The following PCDHA3 variants were observed in gnomAD, a reference collection of about 807,000 sequenced individuals.
PCDHA3 encodes the protein protocadherin alpha-3.
A neutral mutation model predicts 62.2 loss-of-function variants in PCDHA3; 41 were observed. That is an observed-to-expected ratio of 0.66 (90% CI 0.51 to 0.86). PCDHA3 has a LOEUF of 0.86. PCDHA3 is among the 40% of genes least tolerant of loss of function. The probability of loss-of-function intolerance (pLI) is 0.00; values close to 1 mark genes in which losing one functional copy is unlikely to be tolerated. For missense variants in PCDHA3, 1,304 were observed against 1,241.2 expected, an observed-to-expected ratio of 1.05 and a Z score of -0.76; for synonymous variants, 640 against 555.4, an observed-to-expected ratio of 1.15 and a Z score of -2.14.
intron 1 of PCDHA3, among the ~76,000 whole-genome samples, chr5:140,954,774 A>G (rs1396315075): frequency 1.3e-5 from 2 of 152,120 alleles, no homozygotes; most frequent in Admixed American, 1.3e-4. Flanking sequence ...TCTTTAATTT[A>G]ATTAGATCTC....
At position 140,883,630 on chromosome 5, in the gene PCDHA3, G is replaced by A. The variant is rs1424400219; in HGVS notation, c.2394+80039G>A. Reference sequence around the variant, plus strand: ...CCGACGTGAACGACAACGCGCCGGCGTTCGCGCAGCCCGAGTACACGGTGT... The same window carrying A: ...CCGACGTGAACGACAACGCGCCGGCATTCGCGCAGCCCGAGTACACGGTGT... On this transcript the variant is annotated intron_variant, in intron 1 of 3. Coordinates refer to ENST00000522353, the MANE Select transcript of PCDHA3 (RefSeq NM_018906.3). 3 of 1,613,848 alleles carry A rather than the reference G, an allele frequency of 1.9e-6. No individual in the cohort carries two copies. In the African/African-American group the frequency reaches 4.0e-5, roughly 22 times the overall value.
chr5:140,803,168 C>G lies in PCDHA3; in HGVS notation c.1971C>G (p.Pro657=), dbSNP rs1763134104. 6.2e-7 allele frequency: 1 copy of G among 1,613,918 alleles called. No homozygotes were observed. The highest frequency in any genetic ancestry group is 1.1e-5 in the South Asian group (1 of 91,082). Residue 657 remains proline, a synonymous_variant, in exon 1 of 4, where the codon CCC becomes CCG. Transcript: ENST00000522353. ...TGCTGGTGAAGGACCACGGTGAACC[C>G]TCATTGACCGCCACGGCCACTGTGC... ...LLVLVKDHGE[P]SLTATATVLV... is the part of the protein sequence containing the mutation.
In PCDHA3 at chr5:140,924,908, AAAT is replaced by A. The variant is rs1554202345; in HGVS notation, c.2395-54038_2395-54036del. ...AGAACCTGTCTCAAAAAAAAAAATA[AAAT>A]AAAATAAAATAAAATAAAATAAAAT... On this transcript the variant is annotated intron_variant, in intron 1 of 3. Coordinates refer to ENST00000522353, the MANE Select transcript of PCDHA3 (RefSeq NM_018906.3). Among the ~76,000 whole-genome samples the A allele has an allele frequency of 9.0e-4, 53 of 58,926 alleles. 1 individual carries two copies. The highest frequency in any genetic ancestry group is 2.8e-3 in the African/African-American group (51 of 18,360). The allele number at this position is 58,926 out of a possible 152,430, so 38.7% of individuals were successfully genotyped here. A position where few individuals can be genotyped will look rare whatever the true frequency, so the allele number is the denominator to read the frequency against.
intron 3 of PCDHA3, among the ~76,000 whole-genome samples, chr5:141,002,246 C>T (rs1217451636): frequency 6.6e-6 from 1 of 152,190 alleles, no homozygotes; most frequent in Non-Finnish European, 1.5e-5. Flanking sequence ...CTTTATTAAC[C>T]TCAGCACTGA....
intron 1 of PCDHA3, among the ~76,000 whole-genome samples, chr5:140,820,870 T>C (rs1766848710): frequency 6.6e-6 from 1 of 152,114 alleles, no homozygotes; most frequent in Non-Finnish European, 1.5e-5. Context: ...ATGCTTCTAA[T>C]TTGAAAATAG....
At chr5:140,936,144 T>C (rs1386720304) in intron 1 of PCDHA3, among the ~76,000 whole-genome samples, 2 of 152,158 alleles carry the variant, frequency 1.3e-5, no homozygotes, top group African/African-American at 4.8e-5. Flanking sequence ...CTGCCCGCCT[T>C]GGCCTCCTAA....
chr5:140,860,223 A>G (rs2046279598), intron 1 of PCDHA3: 1 of 150,246 alleles, frequency 6.7e-6, no homozygotes, highest in African/African-American at 2.4e-5. Context: ...TTATGTATAT[A>G]TAAGCCAGGC....
Position 141,010,353 on chromosome 5 carries a change from G to A in PCDHA3, c.*416G>A. On this transcript the variant is annotated 3_prime_UTR_variant, in exon 4 of 4. Transcript: ENST00000522353. ...AGTTTGTGGCCACTGGGTATGTGTG[G>A]CTACCGCGGGTATGCGAGTGCCAGA... is the stretch of plus-strand genomic sequence containing the variant. 1.3e-6 allele frequency: 2 copies of A among 1,507,486 alleles called. No individual in the cohort carries two copies. Among genetic ancestry groups the A allele is most frequent in the Non-Finnish European group, 1.8e-6 (2 of 1,128,244 alleles). The allele number at this position is 1,507,486 out of a possible 1,614,324, so 93.4% of individuals were successfully genotyped here. A position where few individuals can be genotyped will look rare whatever the true frequency, so the allele number is the denominator to read the frequency against.
In PCDHA3 at chr5:141,011,594, T is replaced by C. The variant is rs2098421156; in HGVS notation, c.*1657T>C. 6.5e-6 allele frequency: 1 copy of C among 153,764 alleles called. No homozygotes were observed. Among genetic ancestry groups the C allele is most frequent in the East Asian group, 1.9e-4 (1 of 5,202 alleles). The allele number at this position is 153,764 out of a possible 1,614,324, so 9.5% of individuals were successfully genotyped here. On this transcript the variant is annotated 3_prime_UTR_variant, in exon 4 of 4. Coordinates refer to ENST00000522353, the MANE Select transcript of PCDHA3 (RefSeq NM_018906.3). ...TTTCTTAAATCAAGATACTGGTGAT[T>C]CAAGGAATTTTATTTATGGTCCAGC...
chr5:140,869,962 A>C (rs1554163660), intron 1 of PCDHA3: 4 of 1,612,950 alleles, frequency 2.5e-6, no homozygotes, highest in Middle Eastern at 1.6e-4. Flanking sequence ...AATTAAGCCC[A>C]ATGGAAGACA....
intron 1 of PCDHA3, among the ~76,000 whole-genome samples, chr5:140,833,925 A>T (rs2150212105): frequency 0.49 from 75,044 of 151,918 alleles, 18,888 homozygotes; most frequent in Middle Eastern, 0.62. Flanking sequence ...GTTTAAATTC[A>T]TGTTGTCACT....
At position 140,856,909 on chromosome 5, in the gene PCDHA3, G is replaced by A. The variant is rs782127825; in HGVS notation, c.2394+53318G>A. 1.5e-4 allele frequency: 234 copies of A among 1,596,020 alleles called. 23 individuals carry two copies. The highest frequency in any genetic ancestry group is 1.9e-4 in the Non-Finnish European group (221 of 1,165,964). Reference sequence around the variant, plus strand: ...CATTTAGCTCTTTGGTCCCACCCACGATAAGAAGGAAATTTTGGATAAACG... The same window carrying A: ...CATTTAGCTCTTTGGTCCCACCCACAATAAGAAGGAAATTTTGGATAAACG... On this transcript the variant is annotated intron_variant, in intron 1 of 3. Coordinates refer to ENST00000522353, the MANE Select transcript of PCDHA3 (RefSeq NM_018906.3).
In PCDHA3 at chr5:140,829,168, A is replaced by G. The variant is rs113613407; in HGVS notation, c.2394+25577A>G. On this transcript the variant is annotated intron_variant, in intron 1 of 3. Coordinates refer to ENST00000522353, the MANE Select transcript of PCDHA3 (RefSeq NM_018906.3). ...CACTGACTTCCTTATCCTTGCCTGTACGTGAAGACGCTCAATTTGGTACTG... is the reference window on the plus strand; with the variant it reads ...CACTGACTTCCTTATCCTTGCCTGTGCGTGAAGACGCTCAATTTGGTACTG... The G allele has an allele frequency of 3.0e-3, 4,904 of 1,614,084 alleles. 121 individuals carry two copies. The African/African-American group carries it at 0.055, about 18-fold the overall frequency.
intron 3 of PCDHA3, among the ~76,000 whole-genome samples, chr5:140,990,262 C>T (rs2097383201): frequency 6.6e-6 from 1 of 152,152 alleles, no homozygotes; most frequent in South Asian, 2.1e-4. Context: ...GGATACCAAA[C>T]AATGTACCCC....
At chr5:140,808,305 G>A in intron 1 of PCDHA3, 1 of 1,614,250 alleles carries the variant, frequency 6.2e-7, no homozygotes, top group Non-Finnish European at 8.5e-7. Context: ...GCCCTGATCA[G>A]CGTGTCCGAC....
chr5:140,884,048 G>A (rs2059957630), intron 1 of PCDHA3: 1 of 1,613,500 alleles, frequency 6.2e-7, no homozygotes, highest in African/African-American at 1.3e-5. Flanking sequence ...GGTGGCGAAG[G>A]TGCGCGCGGT....
intron 1 of PCDHA3, chr5:140,869,070 A>G (rs1554162449): frequency 6.4e-7 from 1 of 1,572,828 alleles, no homozygotes; most frequent in Non-Finnish European, 8.6e-7. Flanking sequence ...TGTAAGTGTA[A>G]AGAAGCTTAT....
intron 1 of PCDHA3, chr5:140,877,867 T>C: frequency 2.7e-6 from 4 of 1,490,888 alleles, no homozygotes; most frequent in Non-Finnish European, 3.6e-6. Context: ...TTTAGATATA[T>C]TTGTTTCCTT....
At chr5:140,994,561 C>T (rs967006511) in intron 3 of PCDHA3, among the ~76,000 whole-genome samples, 2 of 151,800 alleles carry the variant, frequency 1.3e-5, no homozygotes, top group East Asian at 1.9e-4. Context: ...AAAAATTAGC[C>T]GGGTGTGGTG....
Sources: gnomAD v4.1 joint callset for allele counts (sites outside exome capture counted in the v4.1 genomes callset) on GRCh38, gnomAD v4.1.1 for gene constraint, MANE v1.5 for transcripts, NCBI Gene and HGNC (gene_info 2026-07-23, HGNC 2026-07-21) for gene names.